The following RBFOX1 variants were observed in gnomAD, a reference collection of about 807,000 sequenced individuals.
RBFOX1 encodes the protein RNA binding fox-1 homolog 1, also known as RNA binding protein fox-1 homolog 1.
A neutral mutation model predicts 57.7 loss-of-function variants in RBFOX1; 8 were observed. The observed-to-expected ratio is 0.14, with a 90% CI of 0.08 to 0.25. The LOEUF (loss-of-function observed/expected upper bound fraction) is 0.25. Ranked by LOEUF, RBFOX1 falls within the 10% of genes least tolerant of loss-of-function variation. The pLI is 1.00. For missense variants in RBFOX1, 611 were observed against 548.5 expected (o/e 1.11, Z -1.14); for synonymous variants, 326 against 222.4 (o/e 1.47, Z -4.15).
intron 1 of RBFOX1, among the ~76,000 whole-genome samples, chr16:5,386,614 C>T (rs1187762830): frequency 6.6e-6 from 1 of 152,134 alleles, no homozygotes; most frequent in Non-Finnish European, 1.5e-5. Flanking sequence ...TACCCTTGTC[C>T]TGGAGGTCCC....
intron 3 of RBFOX1, among the ~76,000 whole-genome samples, chr16:5,805,484 C>T (rs1347649183): frequency 6.6e-6 from 1 of 152,066 alleles, no homozygotes; most frequent in African/African-American, 2.4e-5. Context: ...GTTGGAGATC[C>T]AAAATGTAAG....
chr16:5,950,014 A>G (rs940531855), intron 4 of RBFOX1, among the ~76,000 whole-genome samples: 2 of 152,226 alleles, frequency 1.3e-5, no homozygotes, highest in Non-Finnish European at 2.9e-5. Context: ...AGCACATCAC[A>G]CCAGTGGGCA....
At chr16:6,340,795 T>G (rs117937595) in intron 2 of RBFOX1, among the ~76,000 whole-genome samples, 3,371 of 152,254 alleles carry the variant, frequency 0.022, 66 homozygotes, top group Non-Finnish European at 0.034. Flanking sequence ...TGCAGCCCAG[T>G]AGGTCTTAGC....
chr16:7,444,034 G>C (rs891912672), intron 4 of RBFOX1, among the ~76,000 whole-genome samples: 1 of 152,172 alleles, frequency 6.6e-6, no homozygotes, highest in Admixed American at 6.5e-5. Context: ...TTCTGTGGTT[G>C]CCTCAAGTTA....
At chr16:7,619,227 A>T (rs1414898365) in intron 10 of RBFOX1, among the ~76,000 whole-genome samples, 1 of 152,190 alleles carries the variant, frequency 6.6e-6, no homozygotes, top group Non-Finnish European at 1.5e-5. Flanking sequence ...GAGAAAAAAA[A>T]AACTATTTGT....
intron 3 of RBFOX1, among the ~76,000 whole-genome samples, chr16:6,686,857 G>A (rs1321385172): frequency 1.3e-5 from 2 of 152,138 alleles, no homozygotes; most frequent in Non-Finnish European, 2.9e-5. Flanking sequence ...CTACTGTGTT[G>A]TATTTTGAGT....
intron 1 of RBFOX1, among the ~76,000 whole-genome samples, chr16:6,233,238 G>A (rs796794761): frequency 6.6e-6 from 1 of 152,124 alleles, no homozygotes; most frequent in Non-Finnish European, 1.5e-5. Context: ...CCCTTTAGCT[G>A]CACTTGAAAG....
intron 4 of RBFOX1, among the ~76,000 whole-genome samples, chr16:7,346,745 G>T (rs546890017): frequency 2.7e-4 from 41 of 152,088 alleles, no homozygotes; most frequent in Non-Finnish European, 5.7e-4. Flanking sequence ...CCTGTGGGTT[G>T]ACTGAAGACC....
At chr16:5,738,621 A>C (rs1166454539) in intron 3 of RBFOX1, among the ~76,000 whole-genome samples, 4 of 131,320 alleles carry the variant, frequency 3.0e-5, no homozygotes, top group African/African-American at 1.1e-4. Flanking sequence ...GCGACAGAGC[A>C]AGGCTCTGTC....
intron 1 of RBFOX1, among the ~76,000 whole-genome samples, chr16:6,175,156 G>A (rs371532959): frequency 1.3e-5 from 2 of 152,154 alleles, no homozygotes; most frequent in East Asian, 3.8e-4. Flanking sequence ...GTGAGTCCGT[G>A]ACTACAGCTT....
intron 2 of RBFOX1, among the ~76,000 whole-genome samples, chr16:5,580,852 C>G (rs941334533): frequency 6.6e-6 from 1 of 152,182 alleles, no homozygotes; most frequent in African/African-American, 2.4e-5. Context: ...TTAATGATCC[C>G]ATTCCTCAAA....
downstream of RBFOX1, among the ~76,000 whole-genome samples, chr16:5,602,452 A>G (rs6500705): frequency 0.017 from 2,556 of 152,300 alleles, 69 homozygotes; most frequent in African/African-American, 0.056. Context: ...TATATCCATA[A>G]AGTCCAATTC....
At chr16:6,597,210 C>G (rs181941964) in intron 2 of RBFOX1, among the ~76,000 whole-genome samples, 39 of 152,242 alleles carry the variant, frequency 2.6e-4, no homozygotes, top group Admixed American at 2.2e-3. Context: ...TATCTCATCT[C>G]CAGCATCCAA....
At chr16:6,922,312 G>T (rs753180395) in intron 3 of RBFOX1, among the ~76,000 whole-genome samples, 2 of 152,232 alleles carry the variant, frequency 1.3e-5, no homozygotes, top group South Asian at 2.1e-4. Flanking sequence ...CTGGTTTTCA[G>T]TTCCGAGTGT....
chr16:6,966,232 G>A (rs2084122747), intron 3 of RBFOX1, among the ~76,000 whole-genome samples: 1 of 152,044 alleles, frequency 6.6e-6, no homozygotes, highest in Admixed American at 6.6e-5. Flanking sequence ...TCTCACATAG[G>A]GCCACATCCA....
intron 4 of RBFOX1, among the ~76,000 whole-genome samples, chr16:7,284,839 C>T (rs183014485): frequency 6.6e-6 from 1 of 152,152 alleles, no homozygotes; most frequent in East Asian, 1.9e-4. Context: ...AAGATGGCCC[C>T]TCATCTTTTG....
intron 4 of RBFOX1, among the ~76,000 whole-genome samples, chr16:7,117,760 T>C (rs2066229931): frequency 6.6e-6 from 1 of 152,182 alleles, no homozygotes; most frequent in Admixed American, 6.6e-5. Context: ...GCTTAAAATC[T>C]AATAGACTGC....
chr16:7,240,153 G>A (rs113431799), intron 4 of RBFOX1, among the ~76,000 whole-genome samples: 1,634 of 152,066 alleles, frequency 0.011, 34 homozygotes, highest in African/African-American at 0.037. Flanking sequence ...TTTCAGTAGC[G>A]AAAGGGTTTC....
chr16:5,503,785 T>C (rs910246798), intron 2 of RBFOX1, among the ~76,000 whole-genome samples: 1 of 152,150 alleles, frequency 6.6e-6, no homozygotes, highest in African/African-American at 2.4e-5. Flanking sequence ...TGCAACCATC[T>C]CCACCATCAC....
Sources: allele counts gnomAD v4.1 joint callset (sites outside exome capture counted in the v4.1 genomes callset), GRCh38; gene constraint gnomAD v4.1.1; transcripts MANE v1.5; gene names NCBI Gene and HGNC (gene_info 2026-07-23, HGNC 2026-07-21).